The following EDNRB variants were observed in gnomAD, a reference collection of about 807,000 sequenced individuals.
The protein encoded by EDNRB is endothelin receptor type B.
Under a neutral mutation model 46.4 loss-of-function variants are expected in EDNRB, and 18 were observed. That is an observed-to-expected ratio of 0.39 (90% CI 0.27 to 0.57). EDNRB has a LOEUF of 0.57. Ranked by LOEUF, EDNRB falls within the 20% of genes least tolerant of loss-of-function variation. The probability of loss-of-function intolerance (pLI) is 0.61; values close to 1 mark genes in which losing one functional copy is unlikely to be tolerated. For synonymous variants in EDNRB, 213 were observed against 204.9 expected, an observed-to-expected ratio of 1.04 and a Z score of -0.34; for missense variants, 434 against 537.5, an observed-to-expected ratio of 0.81 and a Z score of 1.90.
At chr13:77,953,064 T>C (rs1881137127) in intron 1 of EDNRB, among the ~76,000 whole-genome samples, 2 of 152,180 alleles carry the variant, frequency 1.3e-5, no homozygotes, top group African/African-American at 2.4e-5. Context: ...TCTTATATTT[T>C]CCAATGTCTT....
At chr13:77,919,154 G>C (rs1305038834), upstream of EDNRB, 1 of 544,240 alleles carries the variant, frequency 1.8e-6, no homozygotes, top group Non-Finnish European at 3.1e-6. Flanking sequence ...GCGCGCCCAG[G>C]AGTGCGCCGG....
Position 77,971,307 on chromosome 13 carries a change from G to A in EDNRB, c.-52+4040C>T, listed in dbSNP as rs986214634. Among the ~76,000 whole-genome samples, 18 of 152,204 alleles carry A rather than the reference G, an allele frequency of 1.2e-4. 1 individual carries two copies. The highest frequency in any genetic ancestry group is 4.3e-4 in the African/African-American group (18 of 41,450). On this transcript the variant is annotated intron_variant, in intron 1 of 7. Transcript: ENST00000646948. ...ATGATGTCCTTCGGTATTTATTAAA[G>A]TCACCACAGCATGGGAGGACTTTAT... is the stretch of plus-strand genomic sequence containing the variant.
chr13:77,963,280 A>T (rs558882480), intron 1 of EDNRB, among the ~76,000 whole-genome samples: 4 of 152,236 alleles, frequency 2.6e-5, no homozygotes, highest in Non-Finnish European at 5.9e-5. Flanking sequence ...TTTAAAGTTC[A>T]TATGGAACCA....
chr13:77,941,820 CT>C (rs1280241375), intron 1 of EDNRB, among the ~76,000 whole-genome samples: 2 of 152,116 alleles, frequency 1.3e-5, no homozygotes, highest in Non-Finnish European at 2.9e-5. Flanking sequence ...AAGCAAAAGC[CT>C]TGTCGAGAAT....
At chr13:77,966,456 T>C (rs939826067) in intron 1 of EDNRB, among the ~76,000 whole-genome samples, 1 of 152,212 alleles carries the variant, frequency 6.6e-6, no homozygotes, top group African/African-American at 2.4e-5. Context: ...TAACACACAA[T>C]AAATCCTAAA....
At chr13:77,951,382 A>C (rs928759423) in intron 1 of EDNRB, among the ~76,000 whole-genome samples, 1 of 152,222 alleles carries the variant, frequency 6.6e-6, no homozygotes, top group Non-Finnish European at 1.5e-5. Flanking sequence ...AACAAAACAT[A>C]ACCACATCTA....
At chr13:77,940,541 G>A (rs567631159) in intron 1 of EDNRB, among the ~76,000 whole-genome samples, 1 of 152,264 alleles carries the variant, frequency 6.6e-6, no homozygotes, top group South Asian at 2.1e-4. Flanking sequence ...CAATAAGTCT[G>A]GCAAAGTAGA....
chr13:77,971,894 C>A (rs1881745931), intron 1 of EDNRB, among the ~76,000 whole-genome samples: 1 of 152,182 alleles, frequency 6.6e-6, no homozygotes, highest in African/African-American at 2.4e-5. Context: ...AAGTGTCACT[C>A]TAGTTATTCG....
At chr13:77,910,055 C>T (rs138109297) in intron 1 of EDNRB, among the ~76,000 whole-genome samples, 1 of 152,098 alleles carries the variant, frequency 6.6e-6, no homozygotes, top group East Asian at 1.9e-4. Context: ...CAAAACAGAA[C>T]CTACTGTTTC....
intron 1 of EDNRB, among the ~76,000 whole-genome samples, chr13:77,932,447 T>C (rs1880433995): frequency 6.6e-6 from 1 of 152,232 alleles, no homozygotes. Flanking sequence ...TCACTCCCTT[T>C]ATTTATTTAT....
chr13:77,916,729 C>G (rs1483407793), intron 1 of EDNRB, among the ~76,000 whole-genome samples: 1 of 152,120 alleles, frequency 6.6e-6, no homozygotes, highest in Non-Finnish European at 1.5e-5. Flanking sequence ...ATTTTTTTCC[C>G]CTTGTACTGA....
chr13:77,955,712 T>C (rs755890437), intron 1 of EDNRB, among the ~76,000 whole-genome samples: 2 of 152,178 alleles, frequency 1.3e-5, no homozygotes, highest in Non-Finnish European at 2.9e-5. Context: ...TTTCCAATAC[T>C]GTTTATTAAA....
chr13:77,957,757 A>G (rs943792326), intron 1 of EDNRB, among the ~76,000 whole-genome samples: 5 of 152,188 alleles, frequency 3.3e-5, no homozygotes, highest in African/African-American at 4.8e-5. Context: ...CTCATATCCT[A>G]TGATATATTT....
intron 1 of EDNRB, among the ~76,000 whole-genome samples, chr13:77,974,043 A>G (rs949582279): frequency 1.3e-5 from 2 of 151,958 alleles, no homozygotes; most frequent in Admixed American, 1.3e-4. Flanking sequence ...AGTATAAAAC[A>G]TGTTACACTG....
chr13:77,971,407 A>G (rs977196518), intron 1 of EDNRB, among the ~76,000 whole-genome samples: 3 of 152,206 alleles, frequency 2.0e-5, no homozygotes, highest in African/African-American at 7.2e-5. Flanking sequence ...GCCCTTAGAC[A>G]TGGGGGCCAG....
intron 1 of EDNRB, among the ~76,000 whole-genome samples, chr13:77,954,021 C>T (rs1881163908): frequency 6.6e-6 from 1 of 152,124 alleles, no homozygotes; most frequent in Admixed American, 6.6e-5. Context: ...TCACTCAACT[C>T]CAACCTGCAG....
chr13:77,952,694 G>A (rs1881125511), intron 1 of EDNRB, among the ~76,000 whole-genome samples: 1 of 152,202 alleles, frequency 6.6e-6, no homozygotes, highest in Admixed American at 6.5e-5. Flanking sequence ...ATTAGATAAT[G>A]TGAATATGTT....
chr13:77,971,120 G>C (rs1881715001), intron 1 of EDNRB, among the ~76,000 whole-genome samples: 1 of 152,106 alleles, frequency 6.6e-6, no homozygotes, highest in African/African-American at 2.4e-5. Context: ...GGGCCCACTA[G>C]AATAAACTGA....
At position 77,903,178 on chromosome 13, in the gene EDNRB, A is replaced by C. The variant is rs1220991715; in HGVS notation, c.779T>G (p.Val260Gly). 3.3e-5 allele frequency: 53 copies of C among 1,612,764 alleles called. No homozygotes were observed. The highest frequency in any genetic ancestry group is 4.5e-5 in the Non-Finnish European group (53 of 1,179,264). ...SYLRICLLHP[V>G]QKTAFMQFYK... is the part of the protein sequence containing the mutation. The stretch of plus-strand genomic sequence containing the variant: ...TACCTGCATGAAAGCTGTCTTCTGA[A>C]CGGGATGAAGCAAGCAGATTCGCAG... Residue 260 changes from valine to glycine, a missense_variant, in exon 3 of 7, where the codon GTT (valine) becomes GGT (glycine). By Grantham distance (109) the Val-to-Gly change is moderately radical. Transcript: ENST00000646607.
Sources: gnomAD v4.1 joint callset for allele counts (sites outside exome capture counted in the v4.1 genomes callset) on GRCh38, gnomAD v4.1.1 for gene constraint, MANE v1.5 for transcripts, NCBI Gene and HGNC (gene_info 2026-07-23, HGNC 2026-07-21) for gene names.